Variants in HPSE2 observed in about 807,000 individuals in gnomAD.
HPSE2 encodes the protein heparanase 2 (inactive), also known as inactive heparanase-2.
In HPSE2, 38 loss-of-function variants were observed where a neutral mutation model predicts 60.5. The observed-to-expected ratio is 0.63, with a 90% CI of 0.48 to 0.82. The LOEUF (loss-of-function observed/expected upper bound fraction) is 0.82, where lower values mean the gene tolerates loss of function less well. Among genes scored for constraint, HPSE2 ranks in the 40% least tolerant of loss-of-function variants. HPSE2 has a pLI of 0.00. For missense variants in HPSE2, 713 were observed against 740.4 expected (o/e 0.96, Z 0.43); for synonymous variants, 295 against 293.2 (o/e 1.01, Z -0.06).
intron 6 of HPSE2, among the ~76,000 whole-genome samples, chr10:98,652,445 A>G (rs1946943639): frequency 6.6e-6 from 1 of 152,166 alleles, no homozygotes; most frequent in Admixed American, 6.5e-5. Context: ...TCAATCACCA[A>G]GTCCCTAAAG....
At position 98,532,869 on chromosome 10, in the gene HPSE2, G is replaced by A. The variant is rs117297651; in HGVS notation, c.1321-42673C>T. ...GAGCTTCCTTTTATTTGTCTATTTG[G>A]CCTTTATTGCTTCTGGCCTTACTGA... is the stretch of plus-strand genomic sequence containing the variant. On this transcript the variant is annotated intron_variant, in intron 9 of 11. Coordinates refer to ENST00000370552, the MANE Select transcript of HPSE2 (RefSeq NM_021828.5). Among the ~76,000 whole-genome samples, 217 of 152,122 alleles carry A rather than the reference G, an allele frequency of 1.4e-3. 5 individuals carry two copies. The East Asian group carries it at 0.037, about 26-fold the overall frequency.
chr10:98,981,670 T>G (rs1956209791), intron 3 of HPSE2, among the ~76,000 whole-genome samples: 1 of 152,186 alleles, frequency 6.6e-6, no homozygotes, highest in South Asian at 2.1e-4. Context: ...TCTAGCTTCT[T>G]GTCCAATTGA....
the HPSE2 span, among the ~76,000 whole-genome samples, chr10:99,312,724 T>A: frequency 6.6e-6 from 1 of 152,228 alleles, no homozygotes; most frequent in Non-Finnish European, 1.5e-5. Context: ...ATTTCTAATT[T>A]TCAGTCTTAT....
At chr10:98,694,759 C>T (rs1948167778) in intron 5 of HPSE2, among the ~76,000 whole-genome samples, 2 of 152,198 alleles carry the variant, frequency 1.3e-5, no homozygotes, top group South Asian at 4.1e-4. Flanking sequence ...ATCTCCTTCT[C>T]CCTATCCACA....
intron 3 of HPSE2, among the ~76,000 whole-genome samples, chr10:98,964,678 T>C (rs1955769442): frequency 6.6e-6 from 1 of 152,194 alleles, no homozygotes; most frequent in Admixed American, 6.5e-5. Context: ...ATCCTTCATA[T>C]GCATTCAAGA....
At chr10:99,018,563 A>C (rs912469087) in intron 3 of HPSE2, among the ~76,000 whole-genome samples, 3 of 151,936 alleles carry the variant, frequency 2.0e-5, no homozygotes, top group African/African-American at 7.2e-5. Flanking sequence ...TAGGCCCTAA[A>C]AGGGTATTAA....
the HPSE2 span, among the ~76,000 whole-genome samples, chr10:99,305,975 G>GCA: frequency 3.7e-4 from 18 of 48,120 alleles, 1 homozygote; most frequent in South Asian, 2.8e-3. Context: ...GCGCGCGCGC[G>GCA]CGCGCACACA....
intron 3 of HPSE2, among the ~76,000 whole-genome samples, chr10:99,131,615 C>T (rs1311106996): frequency 1.3e-5 from 2 of 151,970 alleles, no homozygotes; most frequent in African/African-American, 4.8e-5. Context: ...AACTGGAGAC[C>T]ATTATTGTAA....
chr10:98,564,969 T>A (rs982282437), intron 9 of HPSE2, among the ~76,000 whole-genome samples: 2 of 152,078 alleles, frequency 1.3e-5, no homozygotes, highest in African/African-American at 4.8e-5. Context: ...ACAGACATCA[T>A]CCTGTATAGT....
chr10:98,711,673 T>C (rs937755897), intron 5 of HPSE2, among the ~76,000 whole-genome samples: 2 of 152,166 alleles, frequency 1.3e-5, no homozygotes, highest in African/African-American at 2.4e-5. Context: ...TGGTACACTG[T>C]TGGCACTCAA....
chr10:99,278,402 T>A, the HPSE2 span, among the ~76,000 whole-genome samples: 1 of 152,176 alleles, frequency 6.6e-6, no homozygotes, highest in Non-Finnish European at 1.5e-5. Context: ...CTCTGCCCTA[T>A]CATTGGCATG....
chr10:98,807,379 C>T (rs1280797103), intron 3 of HPSE2, among the ~76,000 whole-genome samples: 2 of 152,202 alleles, frequency 1.3e-5, no homozygotes, highest in African/African-American at 4.8e-5. Context: ...GAAGATCTTA[C>T]TCTTTAAATC....
chr10:98,484,607 C>A (rs1941373013), intron 10 of HPSE2, among the ~76,000 whole-genome samples: 1 of 152,282 alleles, frequency 6.6e-6, no homozygotes, highest in South Asian at 2.1e-4. Flanking sequence ...TGCAAAATTT[C>A]CCCCAGTTTT....
At chr10:99,292,688 T>A in the HPSE2 span, among the ~76,000 whole-genome samples, 3 of 152,148 alleles carry the variant, frequency 2.0e-5, no homozygotes, top group African/African-American at 7.2e-5. Context: ...ACCAAACATA[T>A]CTGAAATATT....
chr10:99,121,830 T>C (rs1182533282), intron 3 of HPSE2, among the ~76,000 whole-genome samples: 1 of 152,174 alleles, frequency 6.6e-6, no homozygotes, highest in African/African-American at 2.4e-5. Flanking sequence ...ACAATGATGT[T>C]CATCATGACA....
chr10:98,888,344 A>T (rs1162480744), intron 3 of HPSE2, among the ~76,000 whole-genome samples: 1 of 151,846 alleles, frequency 6.6e-6, no homozygotes, highest in African/African-American at 2.4e-5. Context: ...TAAAGAAATC[A>T]TCTTTACTGA....
At chr10:99,013,929 T>C in intron 3 of HPSE2, 1 of 431,864 alleles carries the variant, frequency 2.3e-6, no homozygotes, top group South Asian at 1.8e-5. Context: ...ACAGTCTCCA[T>C]ATCCTGGTGA....
Position 98,668,334 on chromosome 10 carries a change from C to A in HPSE2, c.1004+25566G>T, listed in dbSNP as rs1036004509. Among the ~76,000 whole-genome samples the A allele has an allele frequency of 2.6e-5, 4 of 152,152 alleles. No individual in the cohort carries two copies. In the East Asian group the frequency reaches 7.7e-4, roughly 29 times the overall value. ...AATCAATATTGTTAAAATGGCCACA[C>A]TTTCCAAAGTAATTTACAGATTCAG... On this transcript the variant is annotated intron_variant, in intron 6 of 11. Transcript: ENST00000370552.
intron 3 of HPSE2, among the ~76,000 whole-genome samples, chr10:98,894,243 C>A (rs2018913): frequency 0.64 from 96,927 of 151,978 alleles, 31,939 homozygotes; most frequent in South Asian, 0.79. Flanking sequence ...CAACAGAAAA[C>A]AAGGCACCAT....
Sources: gnomAD v4.1 joint callset for allele counts (sites outside exome capture counted in the v4.1 genomes callset) on GRCh38, gnomAD v4.1.1 for gene constraint, MANE v1.5 for transcripts, NCBI Gene and HGNC (gene_info 2026-07-23, HGNC 2026-07-21) for gene names.